MBD5: variants seen among roughly 807,000 people sequenced by gnomAD.
MBD5 encodes methyl-CpG binding domain protein 5, also known as methyl-CpG-binding domain protein 5.
A neutral mutation model predicts 117.3 loss-of-function variants in MBD5; 13 were observed. The ratio of observed to expected loss-of-function variants is 0.11; its 90% CI spans 0.07 to 0.18. The LOEUF (loss-of-function observed/expected upper bound fraction) is 0.18. MBD5 is among the 10% of genes least tolerant of loss of function. The pLI, the probability that MBD5 is intolerant of heterozygous loss-of-function variation, is 1.00. For missense variants in MBD5, 1,879 were observed against 2,093.8 expected (o/e 0.90, Z 2.00); for synonymous variants, 727 against 766.4 (o/e 0.95, Z 0.85).
intron 13 of MBD5, 105 bp from the exon 14 acceptor site, chr2:148,512,765 A>G: frequency 9.7e-7 from 1 of 1,028,794 alleles, no homozygotes; most frequent in Non-Finnish European, 1.5e-6. Context: ...ATTGAAAGTG[A>G]AAGCCAGAGT....
Position 148,389,273 on chromosome 2 carries a change from T to C in MBD5, c.-557+46937T>C, listed in dbSNP as rs1485650154. The stretch of plus-strand genomic sequence containing the variant: ...AAACATATATATATATATATATATA[T>C]ATATATATATATATATATATATATA... On this transcript the variant is annotated intron_variant, in intron 4 of 13. Transcript: ENST00000642680. Among the ~76,000 whole-genome samples, 8 of 81,278 alleles carry C rather than the reference T, an allele frequency of 9.8e-5. 1 individual carries two copies. The highest frequency in any genetic ancestry group is 4.1e-4 in the African/African-American group (8 of 19,308). 53.3% of individuals were successfully genotyped at this position (81,278 alleles called of 152,430 possible).
chr2:148,157,750 T>C (rs1697909407), intron 1 of MBD5, among the ~76,000 whole-genome samples: 1 of 152,236 alleles, frequency 6.6e-6, no homozygotes, highest in Non-Finnish European at 1.5e-5. Context: ...TTTTATTTTT[T>C]TGATACTAAT....
intron 4 of MBD5, among the ~76,000 whole-genome samples, chr2:148,400,876 A>G (rs773829116): frequency 6.7e-5 from 10 of 149,832 alleles, no homozygotes; most frequent in Non-Finnish European, 1.5e-4. Flanking sequence ...ATTCTTGCTG[A>G]TATTGTCTTC....
chr2:148,507,547 C>G (rs1682072111), intron 12 of MBD5, among the ~76,000 whole-genome samples: 1 of 151,156 alleles, frequency 6.6e-6, no homozygotes, highest in Non-Finnish European at 1.5e-5. Flanking sequence ...ATCACGAGGT[C>G]AGGAGATCGA....
At position 148,469,494 on chromosome 2, in the gene MBD5, G is replaced by C. The variant is rs751801483; in HGVS notation, c.1551G>C (p.Gln517His). The C allele has an allele frequency of 1.9e-6, 3 of 1,613,836 alleles. 1 individual carries two copies. Among genetic ancestry groups the C allele is most frequent in the South Asian group, 1.1e-5 (1 of 91,084 alleles). ...SPSTKSDGHH[Q>H]YKDIPNPLIA... ...CTACCAAGTCCGATGGACATCATCA[G>C]TACAAGGATATCCCTAACCCATTAA... Residue 517 changes from glutamine (Q) to histidine (H), a missense_variant, in exon 8 of 14, where the codon CAG becomes CAC. Physicochemically the swap from Gln to His is conservative, Grantham distance 24. Transcript: ENST00000642680.
At chr2:148,457,317 T>A (rs545341368) in intron 4 of MBD5, among the ~76,000 whole-genome samples, 3 of 152,140 alleles carry the variant, frequency 2.0e-5, no homozygotes, top group Non-Finnish European at 4.4e-5. Flanking sequence ...TTCTTTAGTG[T>A]AGTTTCATGA....
chr2:148,164,046 T>C (rs1326142283), intron 1 of MBD5, among the ~76,000 whole-genome samples: 4 of 152,200 alleles, frequency 2.6e-5, no homozygotes, highest in Non-Finnish European at 5.9e-5. Flanking sequence ...GCAAAGTGAA[T>C]GATATGCCTA....
chr2:148,107,625 AT>A (rs1216425705), intron 1 of MBD5, among the ~76,000 whole-genome samples: 2 of 151,570 alleles, frequency 1.3e-5, no homozygotes, highest in East Asian at 3.9e-4. Context: ...TAACTTATTC[AT>A]TGACTTTTTT....
intron 1 of MBD5, among the ~76,000 whole-genome samples, chr2:148,104,842 T>C (rs78153596): frequency 0.012 from 1,873 of 152,260 alleles, 24 homozygotes; most frequent in African/African-American, 0.043. Context: ...GAGTATTACA[T>C]TAAAAAGTAA....
At chr2:148,262,246 CA>C (rs1700749237) in intron 3 of MBD5, among the ~76,000 whole-genome samples, 1 of 151,948 alleles carries the variant, frequency 6.6e-6, no homozygotes, top group Non-Finnish European at 1.5e-5. Flanking sequence ...AGCAAAAAAA[CA>C]AGGTGTGCCT....
Position 148,468,886 on chromosome 2 carries a change from T to G in MBD5, c.943T>G (p.Cys315Gly), listed in dbSNP as rs770076687. 33 of 1,613,822 alleles carry G rather than the reference T, an allele frequency of 2.0e-5. No homozygotes were observed. Among genetic ancestry groups the G allele is most frequent in the Non-Finnish European group, 2.5e-5 (30 of 1,179,956 alleles). Residue 315 changes from cysteine (C) to glycine (G), a missense_variant, in exon 8 of 14, where the codon TGT becomes GGT. By Grantham distance (159) the Cys-to-Gly change is radical. This residue lies in a region of MBD5 where 1,666 missense variants were observed against 1,792.2 expected (regional missense o/e 0.93). Transcript: ENST00000642680. Reference sequence around the variant, plus strand: ...GAGTCCAGTAATGAAAAAACCAATGTGTAATTTTTCAACTAATATGGAAAT... The same window carrying G: ...GAGTCCAGTAATGAAAAAACCAATGGGTAATTTTTCAACTAATATGGAAAT... ...TKSPVMKKPM[C>G]NFSTNMEIPR...
intron 4 of MBD5, among the ~76,000 whole-genome samples, chr2:148,419,649 T>C (rs957380856): frequency 6.6e-6 from 1 of 152,154 alleles, no homozygotes; most frequent in Non-Finnish European, 1.5e-5. Context: ...ACCAATACTA[T>C]AGCTTTTAAA....
At chr2:148,101,625 C>T (rs545377374) in intron 1 of MBD5, among the ~76,000 whole-genome samples, 2 of 152,190 alleles carry the variant, frequency 1.3e-5, no homozygotes, top group South Asian at 2.1e-4. Context: ...AAGTAGAGGA[C>T]GTTCAGTACT....
chr2:148,022,332 A>G (rs538634740), intron 1 of MBD5, among the ~76,000 whole-genome samples: 19 of 151,808 alleles, frequency 1.3e-4, no homozygotes, highest in Non-Finnish European at 2.5e-4. Flanking sequence ...TTTGACTTGC[A>G]TTATTGCTTT....
chr2:148,294,508 T>TTTTTTTTTGTTTG (rs1701596761), intron 3 of MBD5, among the ~76,000 whole-genome samples: 1 of 137,474 alleles, frequency 7.3e-6, no homozygotes, highest in Non-Finnish European at 1.6e-5. Context: ...ACAGTTTTTT[T>TTTTTTTTTGTTTG]TTTTTTTTTT....
chr2:148,327,668 A>C (rs1236661054), intron 3 of MBD5, among the ~76,000 whole-genome samples: 3 of 151,750 alleles, frequency 2.0e-5, no homozygotes, highest in South Asian at 2.1e-4. Flanking sequence ...TCACATAGTT[A>C]TCGAGCCTTG....
chr2:148,069,263 A>G (rs191398868), intron 1 of MBD5, among the ~76,000 whole-genome samples: 1 of 152,256 alleles, frequency 6.6e-6, no homozygotes, highest in African/African-American at 2.4e-5. Context: ...TATTTTTGTA[A>G]TGGGATCAAA....
At chr2:148,416,051 G>T (rs1176215163) in intron 4 of MBD5, among the ~76,000 whole-genome samples, 1 of 152,116 alleles carries the variant, frequency 6.6e-6, no homozygotes, top group Non-Finnish European at 1.5e-5. Context: ...GTTTTTTTGA[G>T]TTACCAGAGT....
At chr2:148,308,487 C>CTTTTTTTTTTTTTTTTTTTTTTTTTTT (rs1701948279) in intron 3 of MBD5, among the ~76,000 whole-genome samples, 2 of 27,698 alleles carry the variant, frequency 7.2e-5, no homozygotes, top group Non-Finnish European at 9.6e-5. Context: ...TGATGGGGTT[C>CTTTTTTTTTTTTTTTTTTTTTTTTTTT]TTTCTTTTTT....
Sources: allele counts gnomAD v4.1 joint callset (sites outside exome capture counted in the v4.1 genomes callset), GRCh38; gene constraint gnomAD v4.1.1; regional missense constraint gnomAD v4.1.1; transcripts MANE v1.5; gene names NCBI Gene and HGNC (gene_info 2026-07-23, HGNC 2026-07-21).